The following PLEKHA7 variants were observed in gnomAD, a reference collection of about 807,000 sequenced individuals.
PLEKHA7 encodes the protein pleckstrin homology domain containing A7.
PLEKHA7 carries 104 observed loss-of-function variants against 170.0 expected under a neutral mutation model. The ratio of observed to expected loss-of-function variants is 0.61; its 90% CI spans 0.52 to 0.72. The LOEUF is 0.72. Among genes scored for constraint, PLEKHA7 ranks in the 30% least tolerant of loss-of-function variants. PLEKHA7 has a pLI of 0.00. For synonymous variants in PLEKHA7, 648 were observed against 660.8 expected (o/e 0.98, Z 0.30); for missense variants, 1,615 against 1,671.7 (o/e 0.97, Z 0.59).
chr11:16,933,587 G>A (rs1232361285), intron 3 of PLEKHA7, among the ~76,000 whole-genome samples: 1 of 152,228 alleles, frequency 6.6e-6, no homozygotes, highest in Non-Finnish European at 1.5e-5. Context: ...ACTGTTTCCT[G>A]AAATGAATAA....
Position 17,012,481 on chromosome 11 carries a change from C to T in PLEKHA7, c.221+1508G>A, listed in dbSNP as rs569695432. 3.9e-5 allele frequency among the ~76,000 whole-genome samples: 6 copies of T among 152,280 alleles called. No homozygotes were observed. The South Asian group carries it at 1.2e-3, about 32-fold the overall frequency. On this transcript the variant is annotated intron_variant, in intron 3 of 26. Transcript: ENST00000531066. ...CATTCAAATTTTACTTTAAATGTTG[C>T]CTATTCAGAAACACCATCCCGATCT...
chr11:16,862,326 C>T (rs889321086), intron 4 of PLEKHA7, among the ~76,000 whole-genome samples: 4 of 152,182 alleles, frequency 2.6e-5, no homozygotes, highest in Admixed American at 6.6e-5. Context: ...AGTATTGCCC[C>T]GAACCTGGCA....
intron 3 of PLEKHA7, among the ~76,000 whole-genome samples, chr11:16,991,544 G>C (rs1864042771): frequency 6.6e-6 from 1 of 152,232 alleles, no homozygotes; most frequent in East Asian, 1.9e-4. Flanking sequence ...AGTGAGGGAA[G>C]ATCTGGAGGA....
At chr11:16,981,204 A>G (rs746893423) in intron 3 of PLEKHA7, among the ~76,000 whole-genome samples, 31 of 152,360 alleles carry the variant, frequency 2.0e-4, no homozygotes, top group Middle Eastern at 3.4e-3. Flanking sequence ...ATGACAAAAT[A>G]TAGTGATGGA....
At chr11:16,859,858 G>A (rs1217416044) in intron 4 of PLEKHA7, among the ~76,000 whole-genome samples, 2 of 152,234 alleles carry the variant, frequency 1.3e-5, no homozygotes. Context: ...CCTGGGAGAG[G>A]AGACCCAAAA....
At chr11:16,871,403 A>G (rs138854459) in intron 3 of PLEKHA7, among the ~76,000 whole-genome samples, 3 of 152,312 alleles carry the variant, frequency 2.0e-5, no homozygotes, top group East Asian at 3.9e-4. Context: ...CCTACGAGAC[A>G]GGGAGACTTC....
chr11:16,793,092 G>A (rs974021908), intron 19 of PLEKHA7, among the ~76,000 whole-genome samples: 11 of 152,354 alleles, frequency 7.2e-5, no homozygotes, highest in South Asian at 4.1e-4. Context: ...AGCTGAGGAG[G>A]AGCCTCTGTG....
At chr11:16,914,579 C>T (rs1858499844) in intron 3 of PLEKHA7, among the ~76,000 whole-genome samples, 1 of 152,200 alleles carries the variant, frequency 6.6e-6, no homozygotes, top group East Asian at 1.9e-4. Flanking sequence ...TCCTTCACAT[C>T]CAACTACAAT....
chr11:16,789,702 A>G lies in PLEKHA7; in HGVS notation c.3156+73T>C. Reference sequence around the variant, plus strand: ...CCCAGGGCTGAAGGGATGGCCAGTTACTGTCCCCCTGGGAGACCCTCCCTC... The same window carrying G: ...CCCAGGGCTGAAGGGATGGCCAGTTGCTGTCCCCCTGGGAGACCCTCCCTC... On this transcript the variant is annotated intron_variant, in intron 22 of 26. Transcript: ENST00000531066. This position sits in a 1 kb window ranked among gnomAD's most constrained non-coding sequence, Gnocchi z 4.6. 7.3e-7 allele frequency: 1 copy of G among 1,362,396 alleles called. No individual in the cohort carries two copies. Among genetic ancestry groups the G allele is most frequent in the South Asian group, 1.2e-5 (1 of 81,080 alleles). The allele number at this position is 1,362,396 out of a possible 1,614,324, so 84.4% of individuals were successfully genotyped here.
chr11:16,969,689 TG>T (rs1862591943), intron 3 of PLEKHA7, among the ~76,000 whole-genome samples: 1 of 152,178 alleles, frequency 6.6e-6, no homozygotes, highest in Non-Finnish European at 1.5e-5. Context: ...GTATAGCTCC[TG>T]GGAGAGTGAG....
chr11:16,854,893 T>A lies in PLEKHA7; in HGVS notation c.518A>T (p.Lys173Met), dbSNP rs200823738. The change falls in exon 6 of 27, where the codon AAG becomes ATG. Residue 173 changes from lysine (K) to methionine (M), a missense_variant. Transcript: ENST00000531066. ...CTCACTCCTCGGCTTCCTCACCTGC[T>A]TGTGCAGCCAGCCCCTCACCACCAC... ...VPVVVRGWLH[K>M]QDSSGMRLWK... The A allele has an allele frequency of 7.4e-6, 12 of 1,613,738 alleles. No individual in the cohort carries two copies. Among genetic ancestry groups the A allele is most frequent in the Non-Finnish European group, 9.3e-6 (11 of 1,179,680 alleles).
At chr11:16,956,007 C>CA (rs561504897) in intron 3 of PLEKHA7, among the ~76,000 whole-genome samples, 10 of 151,690 alleles carry the variant, frequency 6.6e-5, no homozygotes, top group African/African-American at 2.2e-4. Flanking sequence ...TCACCAAAAA[C>CA]AAAAAAACAA....
intron 1 of PLEKHA7, 21 bp downstream of exon 1, chr11:17,014,294 TC>T (rs1355241747): frequency 2.9e-6 from 4 of 1,368,220 alleles, no homozygotes; most frequent in Admixed American, 2.9e-5. Flanking sequence ...CGTCCCCGCG[TC>T]CCCGGGTCCT....
chr11:16,824,986 T>C (rs867082108), intron 10 of PLEKHA7, among the ~76,000 whole-genome samples: 4 of 152,170 alleles, frequency 2.6e-5, no homozygotes, highest in Non-Finnish European at 5.9e-5. Context: ...ACAAACAGGA[T>C]TGACACCTGG....
At chr11:16,948,527 G>T (rs1861193525) in intron 3 of PLEKHA7, among the ~76,000 whole-genome samples, 1 of 151,994 alleles carries the variant, frequency 6.6e-6, no homozygotes, top group South Asian at 2.1e-4. Context: ...GTAATGATGA[G>T]GAAGAAAGAA....
intron 3 of PLEKHA7, among the ~76,000 whole-genome samples, chr11:16,964,216 G>A (rs1051036089): frequency 1.3e-5 from 2 of 152,136 alleles, no homozygotes; most frequent in Admixed American, 6.5e-5. Context: ...CCATTCATCT[G>A]TTGATGGAAA....
At chr11:16,892,041 C>T (rs529042849) in intron 3 of PLEKHA7, among the ~76,000 whole-genome samples, 2 of 152,304 alleles carry the variant, frequency 1.3e-5, no homozygotes, top group East Asian at 1.9e-4. Context: ...CTGAACATCA[C>T]ACTGGCCAAC....
At chr11:16,916,064 G>A (rs1858644887) in intron 3 of PLEKHA7, among the ~76,000 whole-genome samples, 1 of 151,578 alleles carries the variant, frequency 6.6e-6, no homozygotes, top group South Asian at 2.1e-4. Context: ...TCTAACTGGT[G>A]TGAGATGGTA....
chr11:16,784,226 G>C (rs949564670), intron 24 of PLEKHA7, among the ~76,000 whole-genome samples: 3 of 152,164 alleles, frequency 2.0e-5, no homozygotes. Flanking sequence ...CCTCTGTTCT[G>C]TCTGGGAAGC....
Sources: allele counts gnomAD v4.1 joint callset (sites outside exome capture counted in the v4.1 genomes callset), GRCh38; gene constraint gnomAD v4.1.1; non-coding constraint Gnocchi (gnomAD v3.1); transcripts MANE v1.5; gene names NCBI Gene and HGNC (gene_info 2026-07-23, HGNC 2026-07-21).